Variants in KCNIP4 observed in about 807,000 individuals in gnomAD.
The protein encoded by KCNIP4 is potassium voltage-gated channel interacting protein 4, also known as Kv channel-interacting protein 4.
KCNIP4 carries 12 observed loss-of-function variants against 34.0 expected under a neutral mutation model. That is an observed-to-expected ratio of 0.35 (90% CI 0.23 to 0.57). KCNIP4 has a LOEUF of 0.57. KCNIP4 is among the 20% of genes least tolerant of loss of function. The pLI is 0.83. For missense variants in KCNIP4, 238 were observed against 311.7 expected, an observed-to-expected ratio of 0.76 and a Z score of 1.78; for synonymous variants, 124 against 102.2, an observed-to-expected ratio of 1.21 and a Z score of -1.29.
chr4:21,151,504 G>T (rs1266769523), intron 1 of KCNIP4, among the ~76,000 whole-genome samples: 5 of 135,218 alleles, frequency 3.7e-5, no homozygotes, highest in Admixed American at 8.8e-5. Context: ...GGCCTCTCCT[G>T]CTTTGCAGAT....
chr4:21,907,523 T>C (rs1728071135), intron 1 of KCNIP4, among the ~76,000 whole-genome samples: 1 of 152,210 alleles, frequency 6.6e-6, no homozygotes, highest in Non-Finnish European at 1.5e-5. Flanking sequence ...ATTATGTACT[T>C]TCTTATATAC....
At chr4:20,895,101 T>G (rs1358705234) in intron 1 of KCNIP4, among the ~76,000 whole-genome samples, 1 of 152,240 alleles carries the variant, frequency 6.6e-6, no homozygotes, top group Non-Finnish European at 1.5e-5. Context: ...TCTGACATTC[T>G]GACTTCTGTA....
At chr4:21,240,212 T>C in intron 1 of KCNIP4, among the ~76,000 whole-genome samples, 1 of 94,512 alleles carries the variant, frequency 1.1e-5, no homozygotes. Context: ...CATCACACAC[T>C]GGGGACTGTT....
At chr4:21,671,228 T>C (rs554468672) in intron 1 of KCNIP4, among the ~76,000 whole-genome samples, 42 of 152,278 alleles carry the variant, frequency 2.8e-4, no homozygotes, top group Admixed American at 7.8e-4. Flanking sequence ...CTTATTGAGT[T>C]TCCAAAATCT....
rs77937571 is a variant in KCNIP4 at position 21,341,924 on chromosome 4, C to T, written c.62-459215G>A. 3.4e-3 allele frequency among the ~76,000 whole-genome samples: 525 copies of T among 152,262 alleles called. 1 individual carries two copies. Among genetic ancestry groups the T allele is most frequent in the African/African-American group, 0.012 (491 of 41,544 alleles). On this transcript the variant is annotated intron_variant, in intron 1 of 8. Coordinates refer to ENST00000382152, the MANE Select transcript of KCNIP4 (RefSeq NM_025221.6). The stretch of plus-strand genomic sequence containing the variant: ...TTGTTACTTCAAACTGAACATTGTG[C>T]AGAATGCGAGATCTGCAATCAACAA...
chr4:21,718,295 A>C (rs1479454308), intron 1 of KCNIP4, among the ~76,000 whole-genome samples: 4 of 152,230 alleles, frequency 2.6e-5, no homozygotes, highest in Non-Finnish European at 5.9e-5. Flanking sequence ...GTTATGTGAA[A>C]CACTATGTTA....
chr4:21,776,338 T>C (rs1719178540), intron 1 of KCNIP4, among the ~76,000 whole-genome samples: 1 of 152,198 alleles, frequency 6.6e-6, no homozygotes, highest in Non-Finnish European at 1.5e-5. Flanking sequence ...TATGGTTTTT[T>C]TTTTCGATGG....
intron 1 of KCNIP4, among the ~76,000 whole-genome samples, chr4:21,517,864 A>G (rs1734891773): frequency 6.6e-6 from 1 of 152,158 alleles, no homozygotes. Context: ...TCCCTGATAC[A>G]TTGTAGAAGA....
chr4:21,418,282 G>A (rs1463683207), intron 1 of KCNIP4, among the ~76,000 whole-genome samples: 2 of 152,156 alleles, frequency 1.3e-5, no homozygotes, highest in Non-Finnish European at 2.9e-5. Context: ...CTCCCGGGCA[G>A]TGCAGTAAGA....
intron 3 of KCNIP4, among the ~76,000 whole-genome samples, chr4:20,779,453 C>T (rs1756656001): frequency 1.3e-5 from 2 of 151,960 alleles, no homozygotes; most frequent in Admixed American, 1.3e-4. Flanking sequence ...AAATCATTCT[C>T]TGACCCTAGA....
intron 3 of KCNIP4, 104 bp from the exon 4 acceptor site, chr4:20,758,994 G>A: frequency 1.2e-5 from 9 of 772,046 alleles, no homozygotes; most frequent in South Asian, 7.1e-5. Context: ...GCTGCACCAA[G>A]AAAATTAACC....
At chr4:21,907,478 G>T (rs1054155128) in intron 1 of KCNIP4, among the ~76,000 whole-genome samples, 5 of 152,232 alleles carry the variant, frequency 3.3e-5, no homozygotes, top group Admixed American at 6.5e-5. Context: ...CAGGTATTCT[G>T]TTACAGAAAC....
intron 1 of KCNIP4, among the ~76,000 whole-genome samples, chr4:21,694,889 C>T (rs959384551): frequency 4.5e-5 from 6 of 132,504 alleles, no homozygotes; most frequent in Admixed American, 3.1e-4. Context: ...ACAAAATCAC[C>T]GTTTCCTCAG....
At chr4:21,210,843 A>T (rs1757173795) in intron 1 of KCNIP4, among the ~76,000 whole-genome samples, 1 of 152,226 alleles carries the variant, frequency 6.6e-6, no homozygotes, top group Admixed American at 6.5e-5. Context: ...AGAGTTATGG[A>T]CAGAAACCAC....
At chr4:21,529,259 G>C (rs1236940248) in intron 1 of KCNIP4, among the ~76,000 whole-genome samples, 1 of 152,122 alleles carries the variant, frequency 6.6e-6, no homozygotes, top group Non-Finnish European at 1.5e-5. Context: ...AGAATAGGAA[G>C]GGAAATGATA....
intron 1 of KCNIP4, among the ~76,000 whole-genome samples, chr4:21,022,012 T>C (rs1370127663): frequency 6.6e-6 from 1 of 152,012 alleles, no homozygotes; most frequent in Admixed American, 6.6e-5. Context: ...GCACAGTAGG[T>C]TTTTTTACAC....
At chr4:21,123,351 T>A (rs1750335889) in intron 1 of KCNIP4, among the ~76,000 whole-genome samples, 2 of 152,134 alleles carry the variant, frequency 1.3e-5, no homozygotes, top group South Asian at 2.1e-4. Flanking sequence ...AACAGAAACA[T>A]CCCTGTCCTC....
chr4:21,588,889 C>T (rs902839452), intron 1 of KCNIP4, among the ~76,000 whole-genome samples: 9 of 151,178 alleles, frequency 6.0e-5, no homozygotes, highest in Non-Finnish European at 7.4e-5. Flanking sequence ...TTGGATTATT[C>T]CTCAATATTT....
intron 1 of KCNIP4, among the ~76,000 whole-genome samples, chr4:21,380,901 G>A (rs1191031150): frequency 1.3e-5 from 2 of 151,948 alleles, no homozygotes; most frequent in African/African-American, 4.8e-5. Flanking sequence ...CACAACAAAG[G>A]GAGAGGCACC....
Sources: allele counts gnomAD v4.1 joint callset (sites outside exome capture counted in the v4.1 genomes callset), GRCh38; gene constraint gnomAD v4.1.1; transcripts MANE v1.5; gene names NCBI Gene and HGNC (gene_info 2026-07-23, HGNC 2026-07-21).